DNAJB6: variants seen among roughly 807,000 people sequenced by gnomAD.
The protein encoded by DNAJB6 is DnaJ heat shock protein family (Hsp40) member B6, also known as dnaJ homolog subfamily B member 6.
Under a neutral mutation model 42.7 loss-of-function variants are expected in DNAJB6, and 16 were observed. The observed-to-expected ratio is 0.37, with a 90% CI of 0.25 to 0.57. The LOEUF (loss-of-function observed/expected upper bound fraction) is 0.57, where lower values mean the gene tolerates loss of function less well. Ranked by LOEUF, DNAJB6 falls within the 20% of genes least tolerant of loss-of-function variation. The pLI, the probability that DNAJB6 is intolerant of heterozygous loss-of-function variation, is 0.74. For synonymous variants in DNAJB6, 170 were observed against 163.5 expected (o/e 1.04, Z -0.30); for missense variants, 347 against 416.8 (o/e 0.83, Z 1.46).
chr7:157,401,423 C>T (rs1224784141), intron 8 of DNAJB6, among the ~76,000 whole-genome samples: 1 of 152,094 alleles, frequency 6.6e-6, no homozygotes, highest in Non-Finnish European at 1.5e-5. Context: ...CCATGTTAGG[C>T]TGGTCTTGAA....
intron 5 of DNAJB6, chr7:157,381,743 C>CGTGTGTG (rs1433506248): frequency 1.0e-5 from 1 of 96,050 alleles, no homozygotes; most frequent in Admixed American, 1.1e-4. Context: ...CACACCATTC[C>CGTGTGTG]TCGTGTGTGT....
At chr7:157,390,257 T>C (rs1801274437) in intron 8 of DNAJB6, among the ~76,000 whole-genome samples, 1 of 152,230 alleles carries the variant, frequency 6.6e-6, no homozygotes, top group Non-Finnish European at 1.5e-5. Context: ...TGTTGGAGGC[T>C]TGCCATGTGG....
intron 1 of DNAJB6, among the ~76,000 whole-genome samples, chr7:157,343,513 G>A (rs754736364): frequency 6.6e-6 from 1 of 151,920 alleles, no homozygotes; most frequent in Admixed American, 6.6e-5. Flanking sequence ...CTGTTGCCCC[G>A]GCTGGAGTGC....
chr7:157,337,501 G>A (rs1456055994), intron 1 of DNAJB6: 1 of 150,536 alleles, frequency 6.6e-6, no homozygotes, highest in African/African-American at 2.4e-5. Context: ...GGGGCCGGCA[G>A]CGTGGGAGGC....
At chr7:157,351,986 G>A (rs1563113818) in intron 1 of DNAJB6, among the ~76,000 whole-genome samples, 1 of 151,848 alleles carries the variant, frequency 6.6e-6, no homozygotes, top group Non-Finnish European at 1.5e-5. Flanking sequence ...CAGAGAGCGA[G>A]ACACTATCTC....
At chr7:157,338,596 A>T (rs564853619) in intron 1 of DNAJB6, among the ~76,000 whole-genome samples, 1 of 152,072 alleles carries the variant, frequency 6.6e-6, no homozygotes, top group South Asian at 2.1e-4. Flanking sequence ...GGCCTCCCAA[A>T]GTGTTGGGAT....
At chr7:157,389,972 G>T (rs984404217) in intron 8 of DNAJB6, among the ~76,000 whole-genome samples, 6 of 152,230 alleles carry the variant, frequency 3.9e-5, no homozygotes, top group Non-Finnish European at 8.8e-5. Context: ...CCTTTTCCCT[G>T]TACCCTGATT....
chr7:157,353,919 C>T (rs1419871065), intron 1 of DNAJB6, among the ~76,000 whole-genome samples: 1 of 152,134 alleles, frequency 6.6e-6, no homozygotes, highest in Non-Finnish European at 1.5e-5. Context: ...CTGCCTTGGC[C>T]TCCCAAAGTG....
At chr7:157,383,788 G>A (rs1800914168) in intron 6 of DNAJB6, among the ~76,000 whole-genome samples, 1 of 152,202 alleles carries the variant, frequency 6.6e-6, no homozygotes, top group African/African-American at 2.4e-5. Flanking sequence ...ACTCCTAACG[G>A]AGATCAGCAG....
chr7:157,357,252 T>TTCCGTCCG (rs1321722942), intron 1 of DNAJB6, among the ~76,000 whole-genome samples: 1 of 66,220 alleles, frequency 1.5e-5, no homozygotes, highest in African/African-American at 4.7e-5. Flanking sequence ...CCTTCCTTCC[T>TTCCGTCCG]TCCTTCCTTC....
At chr7:157,409,458 A>AC (rs1795891926) in intron 8 of DNAJB6, among the ~76,000 whole-genome samples, 1 of 152,220 alleles carries the variant, frequency 6.6e-6, no homozygotes, top group African/African-American at 2.4e-5. Flanking sequence ...GCTGGTTTTG[A>AC]CAGCGAACTT....
chr7:157,390,633 C>G (rs971099806), intron 8 of DNAJB6, among the ~76,000 whole-genome samples: 3 of 152,062 alleles, frequency 2.0e-5, no homozygotes, highest in Admixed American at 6.6e-5. Context: ...CCCGTCTCAC[C>G]CAGGGGATGT....
Position 157,416,085 on chromosome 7 carries a change from A to AAGGCAATC in DNAJB6, c.970_977dup (p.His326GlnfsTer31). The AAGGCAATC allele has an allele frequency of 6.2e-7, 1 of 1,613,984 alleles. No individual in the cohort carries two copies. The highest frequency in any genetic ancestry group is 8.5e-7 in the Non-Finnish European group (1 of 1,179,920). ...GAGTCGAAGAAGAAGAAGTCGACCA[A>AAGGCAATC]AGGCAATCACTAGACCGGACTTGAG... is the stretch of plus-strand genomic sequence containing the variant. On this transcript the variant is annotated frameshift_variant, in exon 10 of 10. Coordinates refer to ENST00000262177, the MANE Select transcript of DNAJB6 (RefSeq NM_058246.4). LOFTEE classifies it high-confidence loss of function.
chr7:157,415,983 C>G (rs1796098558), intron 9 of DNAJB6, 33 bp from the exon 10 acceptor site: 1 of 1,613,908 alleles, frequency 6.2e-7, no homozygotes, highest in African/African-American at 1.3e-5. Context: ...CAGTGCTGTT[C>G]CGTACAGTGT....
At chr7:157,404,580 G>A (rs1795685457) in intron 8 of DNAJB6, among the ~76,000 whole-genome samples, 1 of 137,510 alleles carries the variant, frequency 7.3e-6, no homozygotes, top group South Asian at 2.3e-4. Context: ...GTGCAATCTT[G>A]GCTCACTGCA....
At chr7:157,385,968 C>T (rs1801036845) in intron 8 of DNAJB6, 3 of 900,092 alleles carry the variant, frequency 3.3e-6, no homozygotes, top group Non-Finnish European at 4.1e-6. Flanking sequence ...CAGCATGGAC[C>T]TGCTTTTCAT....
At chr7:157,348,154 G>A (rs777056626) in intron 1 of DNAJB6, among the ~76,000 whole-genome samples, 19 of 150,798 alleles carry the variant, frequency 1.3e-4, no homozygotes, top group Admixed American at 5.3e-4. Context: ...GTGCAGTAGC[G>A]TGATCTTGGC....
intron 9 of DNAJB6, chr7:157,414,821 ATG>A (rs1420423106): frequency 6.6e-6 from 1 of 152,232 alleles, no homozygotes; most frequent in Non-Finnish European, 1.5e-5. Context: ...GAAAGTCCAC[ATG>A]TGTTTGCCCC....
chr7:157,369,113 C>A (rs1298305495), intron 5 of DNAJB6: 3 of 366,646 alleles, frequency 8.2e-6, no homozygotes, highest in African/African-American at 6.4e-5. Flanking sequence ...TGAAGCTGAG[C>A]AGGCGATTTC....
Sources: allele counts gnomAD v4.1 joint callset (sites outside exome capture counted in the v4.1 genomes callset), GRCh38; gene constraint gnomAD v4.1.1; transcripts MANE v1.5; gene names NCBI Gene and HGNC (gene_info 2026-07-23, HGNC 2026-07-21).